The following LONP2 variants were observed in gnomAD, a reference collection of about 807,000 sequenced individuals.
LONP2 encodes the protein lon protease homolog 2, peroxisomal.
In LONP2, 60 loss-of-function variants were observed where a neutral mutation model predicts 85.6. The observed-to-expected ratio is 0.70, with a 90% CI of 0.57 to 0.87. The LOEUF (loss-of-function observed/expected upper bound fraction) is 0.87. LONP2 is among the 40% of genes least tolerant of loss of function. LONP2 has a pLI of 0.00. For synonymous variants in LONP2, 395 were observed against 389.7 expected, an observed-to-expected ratio of 1.01 and a Z score of -0.16; for missense variants, 860 against 1,063.5, an observed-to-expected ratio of 0.81 and a Z score of 2.66.
chr16:48,298,902 C>CTTT (rs914507785), intron 9 of LONP2, among the ~76,000 whole-genome samples: 1 of 144,512 alleles, frequency 6.9e-6, no homozygotes. Flanking sequence ...ATTTCTTTTT[C>CTTT]TTTTTTTTTT....
intron 11 of LONP2, among the ~76,000 whole-genome samples, chr16:48,310,267 G>A (rs1048021145): frequency 6.6e-6 from 1 of 151,692 alleles, no homozygotes; most frequent in African/African-American, 2.4e-5. Flanking sequence ...TATCTTTGAA[G>A]TGGTGCATTC....
At chr16:48,340,874 C>T (rs1398428803) in intron 12 of LONP2, among the ~76,000 whole-genome samples, 1 of 152,132 alleles carries the variant, frequency 6.6e-6, no homozygotes, top group Non-Finnish European at 1.5e-5. Flanking sequence ...TGTGATCACA[C>T]CATTGCACTC....
At chr16:48,327,384 C>T (rs1390442507) in intron 11 of LONP2, among the ~76,000 whole-genome samples, 1 of 152,148 alleles carries the variant, frequency 6.6e-6, no homozygotes, top group Non-Finnish European at 1.5e-5. Flanking sequence ...GCAGAGCTAG[C>T]TTATTCTACT....
intron 2 of LONP2, among the ~76,000 whole-genome samples, chr16:48,253,243 G>A (rs1971690822): frequency 6.6e-6 from 1 of 152,160 alleles, no homozygotes; most frequent in Non-Finnish European, 1.5e-5. Flanking sequence ...GCTGAGGTGG[G>A]TGGATTGCTT....
chr16:48,330,770 C>G (rs991805259), intron 11 of LONP2, among the ~76,000 whole-genome samples: 3 of 152,164 alleles, frequency 2.0e-5, no homozygotes, highest in African/African-American at 7.2e-5. Context: ...GGCATATATT[C>G]TAATGATGGA....
chr16:48,248,377 C>T lies in LONP2; in HGVS notation c.234-3754C>T, dbSNP rs577021020. ...CTGAGCCCAAGTGATCCACTTGCCT[C>T]GGCCTCCCAAAGTGCTGGGATTATA... On this transcript the variant is annotated intron_variant, in intron 1 of 14. Coordinates refer to ENST00000285737, the MANE Select transcript of LONP2 (RefSeq NM_031490.5). Among the ~76,000 whole-genome samples, 12 of 151,516 alleles carry T rather than the reference C, an allele frequency of 7.9e-5. No homozygotes were observed. In the East Asian group the frequency reaches 1.9e-3, roughly 25 times the overall value.
At position 48,248,725 on chromosome 16, in the gene LONP2, T is replaced by G. The variant is rs146703145; in HGVS notation, c.234-3406T>G. On this transcript the variant is annotated intron_variant, in intron 1 of 14. Coordinates refer to ENST00000285737, the MANE Select transcript of LONP2 (RefSeq NM_031490.5). ...AATTAAGGGCTTTGAGTAAAAAAAT[T>G]TTTTAAAAGTGGCTGGGCCTGGTGG... is the stretch of plus-strand genomic sequence containing the variant. 3.4e-3 allele frequency among the ~76,000 whole-genome samples: 516 copies of G among 151,964 alleles called. 2 individuals are homozygous for G. The highest frequency in any genetic ancestry group is 0.012 in the African/African-American group (493 of 41,446).
In LONP2 at chr16:48,261,513, C is replaced by T; in HGVS notation, c.813C>T (p.Val271=). The T allele has an allele frequency of 6.2e-7, 1 of 1,605,768 alleles. No homozygotes were observed. The highest frequency in any genetic ancestry group is 1.1e-5 in the South Asian group (1 of 90,122). ...AAGATGAAGATAATGATGACATTGT[C>T]ATGCTAGAGAAAAAAATACGAACAT... ...EDEDEDNDDI[V]MLEKKIRTSS... is the part of the protein sequence containing the mutation. Residue 271 remains valine (V), a synonymous_variant, in exon 5 of 15, where the codon GTC becomes GTT. Transcript: ENST00000285737.
chr16:48,333,820 T>C (rs1389730057), intron 11 of LONP2, among the ~76,000 whole-genome samples: 1 of 152,200 alleles, frequency 6.6e-6, no homozygotes, highest in East Asian at 1.9e-4. Context: ...GAATCCAAAG[T>C]AACCTACTGC....
rs952571615 is a variant in LONP2, at chr16:48,340,510, A to G, written c.1938+6152A>G. On this transcript the variant is annotated intron_variant, in intron 12 of 14. Transcript: ENST00000285737. ...TTTTACTTTCATCGAAGATGAATCT[A>G]CAAAAATATATTAATGTCAAAAAAT... Among the ~76,000 whole-genome samples the G allele has an allele frequency of 1.4e-4, 22 of 152,260 alleles. 1 individual carries two copies. The highest frequency in any genetic ancestry group is 1.2e-3 in the Admixed American group (19 of 15,284).
intron 4 of LONP2, among the ~76,000 whole-genome samples, chr16:48,259,377 C>G (rs950721403): frequency 2.0e-5 from 3 of 152,138 alleles, no homozygotes; most frequent in Non-Finnish European, 4.4e-5. Context: ...CTTCCCATCC[C>G]CATTATCATC....
At chr16:48,309,468 T>C (rs575105383) in intron 11 of LONP2, among the ~76,000 whole-genome samples, 7 of 152,314 alleles carry the variant, frequency 4.6e-5, no homozygotes, top group Non-Finnish European at 1.0e-4. Flanking sequence ...ATTCAAATAC[T>C]GAATATTCTC....
intron 9 of LONP2, among the ~76,000 whole-genome samples, chr16:48,298,903 T>C (rs544392345): frequency 6.9e-6 from 1 of 144,396 alleles, no homozygotes; most frequent in African/African-American, 2.5e-5. Context: ...TTTCTTTTTC[T>C]TTTTTTTTTT....
chr16:48,349,621 A>G (rs1454793013), intron 14 of LONP2, among the ~76,000 whole-genome samples: 1 of 152,228 alleles, frequency 6.6e-6, no homozygotes, highest in African/African-American at 2.4e-5. Flanking sequence ...CACTTGAAAG[A>G]AAGGCCTGTG....
intron 1 of LONP2, among the ~76,000 whole-genome samples, chr16:48,249,491 A>T (rs928498041): frequency 6.6e-6 from 1 of 152,234 alleles, no homozygotes; most frequent in Non-Finnish European, 1.5e-5. Flanking sequence ...TATACAATAG[A>T]TTCTTTTTCA....
Position 48,353,159 on chromosome 16 carries a change from A to G in LONP2, c.*1357A>G, listed in dbSNP as rs1202968372. On this transcript the variant is annotated 3_prime_UTR_variant, in exon 15 of 15. Transcript: ENST00000285737. ...CCAGTAATGGACTTCAGAATCTTTT[A>G]TTACACAATATAAGAATATGTATGT... The G allele has an allele frequency of 2.6e-5, 4 of 152,182 alleles. No homozygotes were observed. Among genetic ancestry groups the G allele is most frequent in the Non-Finnish European group, 5.9e-5 (4 of 68,040 alleles). 9.4% of individuals were successfully genotyped at this position (152,182 alleles called of 1,614,324 possible).
At chr16:48,318,767 G>A (rs533479296) in intron 11 of LONP2, among the ~76,000 whole-genome samples, 2 of 152,226 alleles carry the variant, frequency 1.3e-5, no homozygotes, top group African/African-American at 2.4e-5. Context: ...CTATGCAAGC[G>A]CCTCTTCTCT....
At chr16:48,270,305 T>G (rs1252891583) in intron 7 of LONP2, 31 bp downstream of exon 7, 2 of 1,605,998 alleles carry the variant, frequency 1.2e-6, no homozygotes, top group Non-Finnish European at 1.7e-6. Flanking sequence ...TAATCTCTGA[T>G]TCCTCTTTCT....
At chr16:48,282,400 G>C in intron 8 of LONP2, among the ~76,000 whole-genome samples, 1 of 125,038 alleles carries the variant, frequency 8.0e-6, no homozygotes, top group Non-Finnish European at 1.6e-5. Flanking sequence ...GACAGAGCAA[G>C]ACTCTGTCTC....
Sources: gnomAD v4.1 joint callset for allele counts (sites outside exome capture counted in the v4.1 genomes callset) on GRCh38, gnomAD v4.1.1 for gene constraint, MANE v1.5 for transcripts, NCBI Gene and HGNC (gene_info 2026-07-23, HGNC 2026-07-21) for gene names.